SLC25A22: variants seen among roughly 807,000 people sequenced by gnomAD.
SLC25A22 encodes the protein solute carrier family 25 member 22.
Under a neutral mutation model 33.7 loss-of-function variants are expected in SLC25A22, and 23 were observed. The ratio of observed to expected loss-of-function variants is 0.68; its 90% CI spans 0.49 to 0.97. The LOEUF (loss-of-function observed/expected upper bound fraction) is 0.97, where lower values mean the gene tolerates loss of function less well. Among genes scored for constraint, SLC25A22 ranks in the 50% least tolerant of loss-of-function variants. The pLI is 0.00. For missense variants in SLC25A22, 390 were observed against 451.1 expected (o/e 0.86, Z 1.23); for synonymous variants, 245 against 203.8 (o/e 1.20, Z -1.72).
chr11:797,988 A>C (rs1306833183), intron 1 of SLC25A22: 4 of 398,280 alleles, frequency 1.0e-5, no homozygotes, highest in African/African-American at 8.2e-5. Context: ...CCTCGGGGAC[A>C]CGTATGTGCG....
At chr11:794,545 C>T (rs1415948730) in intron 3 of SLC25A22, 32 bp from the exon 4 acceptor site, 2 of 1,608,166 alleles carry the variant, frequency 1.2e-6, no homozygotes, top group East Asian at 2.2e-5. Flanking sequence ...GAGCCAGGGC[C>T]AGCTGGGGCC....
intron 1 of SLC25A22, among the ~76,000 whole-genome samples, chr11:796,639 A>C (rs1156871435): frequency 6.6e-6 from 1 of 152,026 alleles, no homozygotes; most frequent in Non-Finnish European, 1.5e-5. Flanking sequence ...GCTAACACCC[A>C]CTCGTGTCTG....
intron 3 of SLC25A22, 126 bp from the exon 4 acceptor site, chr11:794,639 C>T (rs1791857748): frequency 2.0e-6 from 3 of 1,520,552 alleles, no homozygotes; most frequent in African/African-American, 2.8e-5. Context: ...AGTCCTGACC[C>T]ACGTGGGATC....
In SLC25A22 at chr11:794,975, C is replaced by T. The variant is rs1265606350; in HGVS notation, c.20+12G>A. ...GTGGGGGTGAGGCACGCAGCCAGGA[C>T]TGGAGTCTGACCTGATCTGCTTATC... is the stretch of plus-strand genomic sequence containing the variant. On this transcript the variant is annotated intron_variant, in intron 2 of 9. Coordinates refer to ENST00000628067, the MANE Select transcript of SLC25A22 (RefSeq NM_001191061.2). 2.6e-6 allele frequency: 4 copies of T among 1,560,970 alleles called. No individual in the cohort carries two copies. The highest frequency in any genetic ancestry group is 2.6e-6 in the Non-Finnish European group (3 of 1,152,636).
At chr11:797,499 G>T (rs986628362) in intron 1 of SLC25A22, 4 of 397,640 alleles carry the variant, frequency 1.0e-5, no homozygotes, top group African/African-American at 6.2e-5. Flanking sequence ...TGAGGCCACA[G>T]GCAAGCCAGG....
intron 5 of SLC25A22, 26 bp from the exon 6 acceptor site, chr11:793,014 A>C (rs1449683720): frequency 1.2e-6 from 2 of 1,607,164 alleles, no homozygotes. Flanking sequence ...GGCCGCAGTA[A>C]GTGGGAAGAG....
In SLC25A22 at chr11:791,494, A is replaced by C; in HGVS notation, c.*421T>G. On this transcript the variant is annotated 3_prime_UTR_variant, in exon 10 of 10. Transcript: ENST00000628067. Reference sequence around the variant, plus strand: ...CTGGAGAGCCGCTTGGGTCCAGCAGATTCAATAAATAGGTTTGTGTGGGGT... The same window carrying C: ...CTGGAGAGCCGCTTGGGTCCAGCAGCTTCAATAAATAGGTTTGTGTGGGGT... 1 of 234,648 alleles carries C rather than the reference A, an allele frequency of 4.3e-6. No individual in the cohort carries two copies. The highest frequency in any genetic ancestry group is 8.5e-6 in the Non-Finnish European group (1 of 117,906). 14.5% of individuals were successfully genotyped at this position (234,648 alleles called of 1,614,324 possible).
In SLC25A22 at chr11:792,855, TC is replaced by T. The variant is rs746980789; in HGVS notation, c.412+14del. ...CCGCACCTCTGCCCTCTCCTCCCCC[TC>T]CCCCCGCCCTCACCAATGCGCCCTG... On this transcript the variant is annotated intron_variant, in intron 6 of 9. Transcript: ENST00000628067. 1.9e-5 allele frequency: 10 copies of T among 523,136 alleles called. No individual in the cohort carries two copies. The highest frequency in any genetic ancestry group is 2.9e-5 in the Admixed American group (1 of 34,694). The allele number at this position is 523,136 out of a possible 1,614,324, so 32.4% of individuals were successfully genotyped here.
At chr11:797,595 C>T (rs1420862546) in intron 1 of SLC25A22, 1 of 398,528 alleles carries the variant, frequency 2.5e-6, no homozygotes, top group Non-Finnish European at 4.4e-6. Flanking sequence ...CCCAAGAAGC[C>T]GCCAGGCTCC....
Position 794,507 on chromosome 11 carries a change from G to A in SLC25A22, c.153C>T (p.Asp51=), listed in dbSNP as rs1288463914. The change falls in exon 4 of 10, where the codon GAC becomes GAT. Residue 51 remains aspartate, a synonymous_variant. Coordinates refer to ENST00000628067, the MANE Select transcript of SLC25A22 (RefSeq NM_001191061.2). ...CGGAGCGGACGGTCTTGATGAGGCA[G>A]TCGGACCTGTGGCCAAGGGGACAGG... ...NGQRVYTSMS[D]CLIKTVRSEG... The A allele has an allele frequency of 1.2e-6, 2 of 1,612,602 alleles. No homozygotes were observed. The highest frequency in any genetic ancestry group is 2.2e-5 in the South Asian group (2 of 90,970).
intron 6 of SLC25A22, 41 bp from the exon 7 acceptor site, chr11:792,768 T>C: frequency 6.5e-7 from 1 of 1,546,760 alleles, no homozygotes; most frequent in South Asian, 1.2e-5. Context: ...CTGTGCGAAC[T>C]GGGCAGGGGA....
chr11:793,432 C>T, intron 5 of SLC25A22, 97 bp downstream of exon 5: 2 of 1,181,384 alleles, frequency 1.7e-6, no homozygotes, highest in Non-Finnish European at 2.5e-6. Context: ...GGGCTGAAGA[C>T]AGGCAGAGCC....
At position 795,134 on chromosome 11, in the gene SLC25A22, G is replaced by C. The variant is rs1038652645; in HGVS notation, c.-128C>G. The C allele has an allele frequency of 1.5e-4, 183 of 1,224,576 alleles. No homozygotes were observed. The highest frequency in any genetic ancestry group is 8.1e-5 in the Non-Finnish European group (70 of 863,348). 75.9% of individuals were successfully genotyped at this position (1,224,576 alleles called of 1,614,324 possible). On this transcript the variant is annotated 5_prime_UTR_variant, in exon 2 of 10. Transcript: ENST00000628067. ...GGGTTGGGTGGTGCTCCACCTTCAG[G>C]GGAATTTCCAGGCGTCAGCAACCGC...
intron 1 of SLC25A22, 112 bp from the exon 2 acceptor site, chr11:795,281 G>A (rs1193595394): frequency 2.8e-5 from 17 of 599,548 alleles, no homozygotes; most frequent in Admixed American, 7.5e-5. Flanking sequence ...GACTGAAGCC[G>A]TCACTGCGTC....
At chr11:792,777 G>GAC (rs1250466993) in intron 6 of SLC25A22, 50 bp from the exon 7 acceptor site, 3 of 1,547,596 alleles carry the variant, frequency 1.9e-6, no homozygotes, top group Non-Finnish European at 2.6e-6. Context: ...CTGGGCAGGG[G>GAC]ACACGCTCTG....
chr11:798,257 G>A lies in SLC25A22; in HGVS notation c.-204C>T. 2 of 387,852 alleles carry A rather than the reference G, an allele frequency of 5.2e-6. No homozygotes were observed. The highest frequency in any genetic ancestry group is 9.1e-6 in the Non-Finnish European group (2 of 219,270). 24.0% of individuals were successfully genotyped at this position (387,852 alleles called of 1,614,324 possible). ...CGCCGCGCTCGCCTGCCCGCCCCGC[G>A]CTCGGCCAGCACCTAGGCGGGGAGG... On this transcript the variant is annotated 5_prime_UTR_variant, in exon 1 of 10. Transcript: ENST00000628067.
At position 795,060 on chromosome 11, in the gene SLC25A22, G is replaced by GGGTGGA. The variant is rs145401722; in HGVS notation, c.-60_-55dup. ...GCAGAGGTGGACGCCAGGCCAGGCG[G>GGGTGGA]GGTGGAGGTGGAGGTGGAGGAGGCC... On this transcript the variant is annotated 5_prime_UTR_variant, in exon 2 of 10. Coordinates refer to ENST00000628067, the MANE Select transcript of SLC25A22 (RefSeq NM_001191061.2). 1.5e-3 allele frequency: 2,373 copies of GGGTGGA among 1,549,750 alleles called. 34 individuals carry two copies. The African/African-American group carries it at 0.025, about 16-fold the overall frequency.
At position 792,588 on chromosome 11, in the gene SLC25A22, G is replaced by A. The variant is rs368807589; in HGVS notation, c.552C>T (p.Ala184=). Reference sequence around the variant, plus strand: ...TGGCCCCGAGTCCCTTGTAGAGACCGGCAATGCCACGGCTCCGCAGCAGGT... The same window carrying A: ...TGGCCCCGAGTCCCTTGTAGAGACCAGCAATGCCACGGCTCCGCAGCAGGT... ...TRDLLRSRGI[A]GLYKGLGATL... The change falls in exon 7 of 10, where the codon GCC becomes GCT. Residue 184 remains alanine, a synonymous_variant. Coordinates refer to ENST00000628067, the MANE Select transcript of SLC25A22 (RefSeq NM_001191061.2). 5.6e-6 allele frequency: 9 copies of A among 1,611,638 alleles called. No individual in the cohort carries two copies. Among genetic ancestry groups the A allele is most frequent in the South Asian group, 2.2e-5 (2 of 90,982 alleles).
At chr11:793,902 C>T in intron 4 of SLC25A22, 1 of 533,360 alleles carries the variant, frequency 1.9e-6, no homozygotes, top group Non-Finnish European at 3.4e-6. Context: ...GCCCCGGAGC[C>T]CCTGAGGCCT....
Sources: gnomAD v4.1 joint callset for allele counts (sites outside exome capture counted in the v4.1 genomes callset) on GRCh38, gnomAD v4.1.1 for gene constraint, MANE v1.5 for transcripts, NCBI Gene and HGNC (gene_info 2026-07-23, HGNC 2026-07-21) for gene names.